RBM47: variants seen among roughly 807,000 people sequenced by gnomAD.
The protein encoded by RBM47 is RNA binding motif protein 47.
In RBM47, 21 loss-of-function variants were observed where a neutral mutation model predicts 47.1. That is an observed-to-expected ratio of 0.45 (90% CI 0.32 to 0.64). The LOEUF (loss-of-function observed/expected upper bound fraction) is 0.64, where lower values mean the gene tolerates loss of function less well. Ranked by LOEUF, RBM47 falls within the 30% of genes least tolerant of loss-of-function variation. The pLI, the probability that RBM47 is intolerant of heterozygous loss-of-function variation, is 0.05. For synonymous variants in RBM47, 375 were observed against 361.7 expected (o/e 1.04, Z -0.42); for missense variants, 708 against 870.9 (o/e 0.81, Z 2.35).
chr4:40,463,907 G>A (rs1018396041), intron 3 of RBM47, among the ~76,000 whole-genome samples: 3 of 152,036 alleles, frequency 2.0e-5, no homozygotes, highest in African/African-American at 7.2e-5. Flanking sequence ...TATGATGCGT[G>A]GGGATAGGTG....
chr4:40,489,437 T>A (rs763242896), intron 2 of RBM47, among the ~76,000 whole-genome samples: 8 of 152,004 alleles, frequency 5.3e-5, no homozygotes, highest in Non-Finnish European at 1.0e-4. Flanking sequence ...CTAGCTAGAA[T>A]GACAAAGAAA....
intron 1 of RBM47, among the ~76,000 whole-genome samples, chr4:40,565,089 T>C (rs1193976111): frequency 1.3e-5 from 2 of 152,350 alleles, no homozygotes; most frequent in East Asian, 3.9e-4. Context: ...TTTCTCCTTG[T>C]CTGCAGATGC....
intron 2 of RBM47, among the ~76,000 whole-genome samples, chr4:40,534,137 TA>T (rs1411336373): frequency 4.0e-5 from 6 of 151,528 alleles, no homozygotes; most frequent in South Asian, 2.1e-4. Flanking sequence ...TTTTTTAATT[TA>T]TTTTTTTTTT....
intron 2 of RBM47, among the ~76,000 whole-genome samples, chr4:40,525,930 G>C (rs1339287905): frequency 6.6e-6 from 1 of 152,218 alleles, no homozygotes; most frequent in African/African-American, 2.4e-5. Flanking sequence ...AGGGCCTGAA[G>C]TTTGGCTCTT....
At chr4:40,549,330 G>A (rs951920696) in intron 1 of RBM47, among the ~76,000 whole-genome samples, 3 of 151,958 alleles carry the variant, frequency 2.0e-5, no homozygotes, top group African/African-American at 7.2e-5. Context: ...GACCTCAAGT[G>A]ATCCACCTGC....
At chr4:40,553,053 C>T (rs1454595139) in intron 1 of RBM47, among the ~76,000 whole-genome samples, 10 of 150,526 alleles carry the variant, frequency 6.6e-5, no homozygotes, top group Non-Finnish European at 1.2e-4. Flanking sequence ...CTACAACCTC[C>T]GCCTCCCGGG....
chr4:40,432,010 C>G lies in RBM47; in HGVS notation c.1542+641G>C, dbSNP rs1716171955. On this transcript the variant is annotated intron_variant, in intron 6 of 6. Coordinates refer to ENST00000295971, the MANE Select transcript of RBM47 (RefSeq NM_001098634.2). Reference sequence around the variant, plus strand: ...GGACTACAGGCATATGCCACCATGCCAGGCTAATTTAAAAAAAAAAAATTG... The same window carrying G: ...GGACTACAGGCATATGCCACCATGCGAGGCTAATTTAAAAAAAAAAAATTG... 4.5e-5 allele frequency among the ~76,000 whole-genome samples: 5 copies of G among 110,722 alleles called. No individual in the cohort carries two copies. The South Asian group carries it at 2.2e-3, about 48-fold the overall frequency. The allele number at this position is 110,722 out of a possible 152,430, so 72.6% of individuals were successfully genotyped here.
At chr4:40,547,695 A>G (rs184369541) in intron 1 of RBM47, among the ~76,000 whole-genome samples, 24 of 152,350 alleles carry the variant, frequency 1.6e-4, no homozygotes, top group Non-Finnish European at 3.4e-4. Flanking sequence ...CTGTGCAATT[A>G]AACAGTGGTA....
intron 2 of RBM47, among the ~76,000 whole-genome samples, chr4:40,475,482 G>A (rs760551853): frequency 1.4e-4 from 21 of 152,168 alleles, no homozygotes; most frequent in Non-Finnish European, 2.2e-4. Flanking sequence ...TTTAGAAAAT[G>A]TTTTTAACTT....
chr4:40,586,024 A>ACTC (rs563936752), intron 1 of RBM47, among the ~76,000 whole-genome samples: 276 of 152,326 alleles, frequency 1.8e-3, no homozygotes, highest in Non-Finnish European at 2.7e-3. Context: ...TTTCAAAGCT[A>ACTC]CTCAGCCCGA....
chr4:40,548,354 G>C (rs1445883938), intron 1 of RBM47, among the ~76,000 whole-genome samples: 1 of 152,200 alleles, frequency 6.6e-6, no homozygotes, highest in Non-Finnish European at 1.5e-5. Flanking sequence ...GAGAGCAACA[G>C]GACGTGCCGC....
chr4:40,520,193 T>C (rs1475036379), intron 2 of RBM47, among the ~76,000 whole-genome samples: 1 of 152,218 alleles, frequency 6.6e-6, no homozygotes, highest in Admixed American at 6.5e-5. Flanking sequence ...CCGTGTTCTA[T>C]ACGGCACTTG....
At chr4:40,453,322 G>T (rs1715738958) in intron 3 of RBM47, among the ~76,000 whole-genome samples, 1 of 152,154 alleles carries the variant, frequency 6.6e-6, no homozygotes. Context: ...GAAGACAGTG[G>T]CTTAGTAAAG....
At chr4:40,611,555 T>C (rs1328520837) in intron 1 of RBM47, among the ~76,000 whole-genome samples, 1 of 141,686 alleles carries the variant, frequency 7.1e-6, no homozygotes, top group African/African-American at 2.6e-5. Context: ...ACCCTGCCTC[T>C]ACTAAAAATA....
At chr4:40,568,360 T>C (rs990679851) in intron 1 of RBM47, among the ~76,000 whole-genome samples, 2 of 134,104 alleles carry the variant, frequency 1.5e-5, no homozygotes, top group African/African-American at 2.9e-5. Context: ...GCCCGAGAGA[T>C]GGAGGCTGCA....
intron 1 of RBM47, among the ~76,000 whole-genome samples, chr4:40,590,970 T>A (rs192219771): frequency 6.6e-6 from 1 of 152,216 alleles, no homozygotes; most frequent in African/African-American, 2.4e-5. Context: ...GCCTGGCTAA[T>A]TTTTGTATTT....
intron 2 of RBM47, among the ~76,000 whole-genome samples, chr4:40,471,925 A>T (rs939755688): frequency 1.3e-5 from 2 of 152,150 alleles, no homozygotes; most frequent in Non-Finnish European, 2.9e-5. Context: ...CCCGAACTTC[A>T]TTCCTTCTAC....
chr4:40,605,760 G>A (rs139150543), intron 1 of RBM47, among the ~76,000 whole-genome samples: 178 of 152,026 alleles, frequency 1.2e-3, no homozygotes, highest in African/African-American at 4.2e-3. Context: ...GAACCCGAGA[G>A]GTGGAGGTTG....
intron 3 of RBM47, among the ~76,000 whole-genome samples, chr4:40,466,265 CAAAAA>C (rs55805915): frequency 1.1e-5 from 1 of 91,662 alleles, no homozygotes; most frequent in Non-Finnish European, 2.2e-5. Flanking sequence ...GAGACTGTCT[CAAAAA>C]AAAAAAAAAA....
Sources: gnomAD v4.1 joint callset for allele counts (sites outside exome capture counted in the v4.1 genomes callset) on GRCh38, gnomAD v4.1.1 for gene constraint, MANE v1.5 for transcripts, NCBI Gene and HGNC (gene_info 2026-07-23, HGNC 2026-07-21) for gene names.